WDR17: variants seen among roughly 807,000 people sequenced by gnomAD.
WDR17 encodes WD repeat-containing protein 17.
In WDR17, 143 loss-of-function variants were observed where a neutral mutation model predicts 161.7. The ratio of observed to expected loss-of-function variants is 0.88; its 90% CI spans 0.77 to 1.02. The LOEUF (loss-of-function observed/expected upper bound fraction) is 1.02. WDR17 is among the 50% of genes least tolerant of loss of function. WDR17 has a pLI of 0.00. For missense variants in WDR17, 1,469 were observed against 1,520.9 expected (o/e 0.97, Z 0.57); for synonymous variants, 517 against 515.6 (o/e 1.00, Z -0.04).
intron 2 of WDR17, among the ~76,000 whole-genome samples, chr4:176,113,951 C>T (rs191688431): frequency 6.6e-6 from 1 of 152,050 alleles, no homozygotes; most frequent in Non-Finnish European, 1.5e-5. Flanking sequence ...GAATTGTAAA[C>T]ATCATAGGAA....
At chr4:176,089,987 C>A (rs971033689) in intron 1 of WDR17, among the ~76,000 whole-genome samples, 2 of 152,076 alleles carry the variant, frequency 1.3e-5, no homozygotes, top group Non-Finnish European at 2.9e-5. Flanking sequence ...CCTGCCTGGT[C>A]ATTATTTTAT....
chr4:176,129,398 C>A (rs1742996819), intron 6 of WDR17, among the ~76,000 whole-genome samples: 1 of 151,698 alleles, frequency 6.6e-6, no homozygotes, highest in African/African-American at 2.4e-5. Context: ...TCATTCGTTG[C>A]CTCTGTAATT....
chr4:176,132,783 CA>C (rs1213397986), intron 7 of WDR17, among the ~76,000 whole-genome samples: 1 of 151,348 alleles, frequency 6.6e-6, no homozygotes, highest in Non-Finnish European at 1.5e-5. Flanking sequence ...TTCAAATTAC[CA>C]TTTGTTTTCA....
chr4:176,081,940 T>C (rs1415594889), intron 1 of WDR17, among the ~76,000 whole-genome samples: 1 of 152,118 alleles, frequency 6.6e-6, no homozygotes, highest in Non-Finnish European at 1.5e-5. Context: ...ACCAAAAGAA[T>C]GTGGGACTCT....
intron 1 of WDR17, among the ~76,000 whole-genome samples, chr4:176,103,617 G>A (rs1027711843): frequency 6.6e-6 from 1 of 151,742 alleles, no homozygotes; most frequent in Admixed American, 6.6e-5. Flanking sequence ...AGAATTGTAG[G>A]GCTGAAAAAT....
Position 176,077,794 on chromosome 4 carries a change from A to T in WDR17, c.-7+11715A>T, listed in dbSNP as rs140460441. The stretch of plus-strand genomic sequence containing the variant: ...ACTGTGCTGGCTTTTTTCAAGCTAC[A>T]GGTAGTAGCCTCAAGCAATTCTACA... On this transcript the variant is annotated intron_variant, in intron 1 of 28. Transcript: ENST00000508596. 4.6e-3 allele frequency among the ~76,000 whole-genome samples: 693 copies of T among 152,204 alleles called. 8 individuals are homozygous for T. The highest frequency in any genetic ancestry group is 0.016 in the African/African-American group (671 of 41,566).
intron 17 of WDR17, 61 bp downstream of exon 17, chr4:176,152,028 T>C: frequency 6.7e-7 from 1 of 1,499,628 alleles, no homozygotes; most frequent in Non-Finnish European, 9.0e-7. Context: ...GTTAAGAATA[T>C]ACTCAATTTT....
At chr4:176,071,610 C>T (rs1003517551) in intron 1 of WDR17, among the ~76,000 whole-genome samples, 4 of 152,180 alleles carry the variant, frequency 2.6e-5, no homozygotes, top group South Asian at 4.1e-4. Context: ...CCACCACACC[C>T]GGCCTTTCCC....
In WDR17 at chr4:176,174,676, G is replaced by A; in HGVS notation, c.3407G>A (p.Arg1136Lys). 6.2e-7 allele frequency: 1 copy of A among 1,612,366 alleles called. No homozygotes were observed. Among genetic ancestry groups the A allele is most frequent in the South Asian group, 1.1e-5 (1 of 90,868 alleles). ...GYIGALLAIR[R>K]QYQSIVPALY... is the part of the protein sequence containing the mutation. ...ATTGGTGCATTACTGGCTATCAGAA[G>A]ACAGTACCAAAGCATTGTTCCAGCA... The change falls in exon 26 of 29, where the codon AGA (arginine) becomes AAA (lysine). Residue 1136 changes from arginine to lysine, a missense_variant. Coordinates refer to ENST00000508596, the MANE Select transcript of WDR17 (RefSeq NM_181265.4).
chr4:176,130,551 T>C (rs564978013), intron 6 of WDR17, among the ~76,000 whole-genome samples: 473 of 152,030 alleles, frequency 3.1e-3, no homozygotes, highest in Admixed American at 0.015. Context: ...GAGACCATCC[T>C]GGCTAACACA....
At chr4:176,135,877 T>C (rs1326970127) in intron 8 of WDR17, among the ~76,000 whole-genome samples, 1 of 151,664 alleles carries the variant, frequency 6.6e-6, no homozygotes, top group African/African-American at 2.4e-5. Context: ...TTAAAGTATA[T>C]GTAATGGTTT....
intron 1 of WDR17, among the ~76,000 whole-genome samples, chr4:176,077,044 G>A (rs1734136476): frequency 6.6e-6 from 1 of 151,662 alleles, no homozygotes; most frequent in African/African-American, 2.4e-5. Context: ...AATCAATGGG[G>A]AAATACATGA....
chr4:176,143,360 TTC>T (rs1432725749), intron 11 of WDR17, among the ~76,000 whole-genome samples: 1 of 152,150 alleles, frequency 6.6e-6, no homozygotes, highest in Non-Finnish European at 1.5e-5. Context: ...TCCTGTAATT[TTC>T]TCTGTCTAAA....
chr4:176,121,410 G>A (rs1305806248), intron 4 of WDR17, among the ~76,000 whole-genome samples: 3 of 151,660 alleles, frequency 2.0e-5, no homozygotes, highest in Admixed American at 6.6e-5. Context: ...AAATATGGCT[G>A]TATGCTGTGT....
chr4:176,159,913 G>A (rs1748767700), intron 18 of WDR17, 81 bp from the exon 19 acceptor site: 2 of 1,340,612 alleles, frequency 1.5e-6, no homozygotes, highest in East Asian at 2.5e-5. Context: ...ACAAATTTTA[G>A]CCATACTTTC....
rs148806126 is a variant in WDR17, at chr4:176,131,713, A to T, written c.1073A>T (p.Lys358Met). 30 of 1,611,490 alleles carry T rather than the reference A, an allele frequency of 1.9e-5. No individual in the cohort carries two copies. The highest frequency in any genetic ancestry group is 2.4e-5 in the Non-Finnish European group (28 of 1,179,074). ...GTTGGACTTTATGATATGGGAGCTA[A>T]GAAGTGGGATTTTCTTAGAGACTTG... ...GGVGLYDMGA[K>M]KWDFLRDLGH... Residue 358 changes from lysine to methionine, a missense_variant, in exon 7 of 29, where the codon AAG becomes ATG. By Grantham distance (95) the Lys-to-Met change is moderately conservative (BLOSUM62 -1). Transcript: ENST00000508596.
chr4:176,110,001 T>A (rs1739435125), intron 1 of WDR17, among the ~76,000 whole-genome samples: 1 of 152,214 alleles, frequency 6.6e-6, no homozygotes, highest in African/African-American at 2.4e-5. Flanking sequence ...TTATAATCAC[T>A]ACTTACATTT....
chr4:176,157,557 GTT>G (rs1415910023), intron 18 of WDR17, among the ~76,000 whole-genome samples: 1 of 150,966 alleles, frequency 6.6e-6, no homozygotes, highest in African/African-American at 2.4e-5. Context: ...AATTGTGAAT[GTT>G]ATTGCTCTCA....
intron 10 of WDR17, among the ~76,000 whole-genome samples, chr4:176,141,326 A>G (rs535336238): frequency 2.9e-4 from 44 of 152,210 alleles, no homozygotes; most frequent in Non-Finnish European, 5.3e-4. Context: ...TTTAAACACT[A>G]TAAATTTTGA....
Sources: allele counts gnomAD v4.1 joint callset (sites outside exome capture counted in the v4.1 genomes callset), GRCh38; gene constraint gnomAD v4.1.1; transcripts MANE v1.5; gene names NCBI Gene and HGNC (gene_info 2026-07-23, HGNC 2026-07-21).